The following DNAH11 variants were observed in gnomAD, a reference collection of about 807,000 sequenced individuals.
DNAH11 encodes axonemal beta dynein heavy chain 11.
DNAH11 carries 442 observed loss-of-function variants against 526.0 expected under a neutral mutation model. That is an observed-to-expected ratio of 0.84 (90% CI 0.78 to 0.91). The LOEUF (loss-of-function observed/expected upper bound fraction) is 0.91. Among genes scored for constraint, DNAH11 ranks in the 40% least tolerant of loss-of-function variants. The pLI, the probability that DNAH11 is intolerant of heterozygous loss-of-function variation, is 0.00. For missense variants in DNAH11, 6,989 were observed against 5,448.7 expected, an observed-to-expected ratio of 1.28 and a Z score of -8.90; for synonymous variants, 2,461 against 1,935.9, an observed-to-expected ratio of 1.27 and a Z score of -7.12.
Position 21,765,610 on chromosome 7 carries a change from TCACACA to T in DNAH11, c.9102+65_9102+70del, listed in dbSNP as rs3219983. 9.0e-3 allele frequency: 8,540 copies of T among 954,160 alleles called. 107 individuals are homozygous for T. Among genetic ancestry groups the T allele is most frequent in the South Asian group, 0.024 (1,232 of 52,390 alleles). The allele number at this position is 954,160 out of a possible 1,614,324, so 59.1% of individuals were successfully genotyped here. A position where few individuals can be genotyped will look rare whatever the true frequency, so the allele number is the denominator to read the frequency against. The stretch of plus-strand genomic sequence containing the variant: ...TTGAGGTATGCCGTGTCAGCCTGCG[TCACACA>T]CACACACACACACACACACACACAC... On this transcript the variant is annotated intron_variant, in intron 55 of 81. Coordinates refer to ENST00000409508, the MANE Select transcript of DNAH11 (RefSeq NM_001277115.2).
chr7:21,611,785 C>T (rs1405275878), intron 20 of DNAH11, among the ~76,000 whole-genome samples: 1 of 152,188 alleles, frequency 6.6e-6, no homozygotes, highest in African/African-American at 2.4e-5. Context: ...GAAAAATTCT[C>T]TCTCAATAAT....
At chr7:21,659,115 A>G in intron 30 of DNAH11, 84 bp downstream of exon 30, 1 of 1,165,392 alleles carries the variant, frequency 8.6e-7, no homozygotes, top group Non-Finnish European at 1.2e-6. Flanking sequence ...TCATTCATTT[A>G]CCGAGTGTCA....
At chr7:21,741,859 A>T in intron 48 of DNAH11, 68 bp from the exon 49 acceptor site, 1 of 1,557,518 alleles carries the variant, frequency 6.4e-7, no homozygotes, top group Non-Finnish European at 8.7e-7. Flanking sequence ...AGTGAAAAAA[A>T]ATCAGGTCTT....
intron 8 of DNAH11, among the ~76,000 whole-genome samples, chr7:21,576,540 T>A (rs1194279686): frequency 6.6e-6 from 1 of 152,234 alleles, no homozygotes; most frequent in Non-Finnish European, 1.5e-5. Context: ...CAAGACCCTA[T>A]CAAGCAAGTA....
intron 60 of DNAH11, among the ~76,000 whole-genome samples, chr7:21,788,334 C>G (rs1354359127): frequency 6.6e-6 from 1 of 152,140 alleles, no homozygotes; most frequent in Non-Finnish European, 1.5e-5. Flanking sequence ...TTCCTTTATA[C>G]TGTGGGGCCC....
At chr7:21,629,615 T>C (rs1786507357) in intron 25 of DNAH11, among the ~76,000 whole-genome samples, 2 of 152,148 alleles carry the variant, frequency 1.3e-5, no homozygotes, top group African/African-American at 4.8e-5. Flanking sequence ...TGCACAGATA[T>C]TTAATACTTA....
chr7:21,584,807 G>C (rs1784429353), intron 9 of DNAH11, among the ~76,000 whole-genome samples: 1 of 151,906 alleles, frequency 6.6e-6, no homozygotes, highest in Non-Finnish European at 1.5e-5. Flanking sequence ...ATCCTCTACT[G>C]TAATCTTCTT....
In DNAH11 at chr7:21,847,408, A is replaced by G. The variant is rs530354008; in HGVS notation, c.10896+4660A>G. Reference sequence around the variant, plus strand: ...TTTTTGTTTGCATTTATGTCAAAATATTTTTAAGTTTTTCTTGAGACTTCT... The same window carrying G: ...TTTTTGTTTGCATTTATGTCAAAATGTTTTTAAGTTTTTCTTGAGACTTCT... On this transcript the variant is annotated intron_variant, in intron 66 of 81. Transcript: ENST00000409508. 1.7e-4 allele frequency among the ~76,000 whole-genome samples: 26 copies of G among 152,300 alleles called. 2 individuals carry two copies. The highest frequency in any genetic ancestry group is 1.7e-3 in the South Asian group (8 of 4,826).
At chr7:21,710,999 T>A (rs1324855446) in intron 41 of DNAH11, among the ~76,000 whole-genome samples, 1 of 152,234 alleles carries the variant, frequency 6.6e-6, no homozygotes, top group Non-Finnish European at 1.5e-5. Context: ...CGTAAATTAT[T>A]GTATCTTGTC....
At chr7:21,775,778 TC>T (rs1363257261) in intron 56 of DNAH11, among the ~76,000 whole-genome samples, 1 of 152,060 alleles carries the variant, frequency 6.6e-6, no homozygotes, top group African/African-American at 2.4e-5. Flanking sequence ...TTCCCTGGAG[TC>T]CTGTTGGGCT....
In DNAH11 at chr7:21,901,001, C is replaced by T. The variant is rs745795906; in HGVS notation, c.13304-6C>T. ...CACAATTGCAACCGCTGTGTTTTTGCCATAGGCGCCCGCTGGGACACCCAA... is the reference window on the plus strand; with the variant it reads ...CACAATTGCAACCGCTGTGTTTTTGTCATAGGCGCCCGCTGGGACACCCAA... On this transcript the variant is annotated splice_polypyrimidine_tract_variant and splice_region_variant and intron_variant, in intron 81 of 81. Coordinates refer to ENST00000409508, the MANE Select transcript of DNAH11 (RefSeq NM_001277115.2). 6.3e-7 allele frequency: 1 copy of T among 1,577,968 alleles called. No individual in the cohort carries two copies. The highest frequency in any genetic ancestry group is 1.9e-5 in the Admixed American group (1 of 53,728).
At position 21,787,561 on chromosome 7, in the gene DNAH11, T is replaced by C. The variant is rs1788245455; in HGVS notation, c.9902T>C (p.Ile3301Thr). The C allele has an allele frequency of 6.2e-7, 1 of 1,611,460 alleles. No homozygotes were observed. Among genetic ancestry groups the C allele is most frequent in the Non-Finnish European group, 8.5e-7 (1 of 1,178,914 alleles). Residue 3301 changes from isoleucine to threonine, a missense_variant, in exon 60 of 82, where the codon ATC becomes ACC. By Grantham distance (89) the Ile-to-Thr change is moderately conservative (BLOSUM62 -1). Coordinates refer to ENST00000409508, the MANE Select transcript of DNAH11 (RefSeq NM_001277115.2). ...GCAGCTGGCCTGTGTGCCTGGGTCATCAACATCATTAAATTCTATGAGGTA... is the reference window on the plus strand; with the variant it reads ...GCAGCTGGCCTGTGTGCCTGGGTCACCAACATCATTAAATTCTATGAGGTA... ...FAAAGLCAWV[I>T]NIIKFYEVYC...
intron 9 of DNAH11, among the ~76,000 whole-genome samples, chr7:21,584,804 A>G (rs996920330): frequency 6.6e-6 from 1 of 152,104 alleles, no homozygotes; most frequent in East Asian, 1.9e-4. Flanking sequence ...TTAATCCTCT[A>G]CTGTAATCTT....
chr7:21,585,779 G>A (rs962273380), intron 9 of DNAH11, among the ~76,000 whole-genome samples: 6 of 152,168 alleles, frequency 3.9e-5, no homozygotes, highest in African/African-American at 2.4e-5. Flanking sequence ...GTACTACACC[G>A]AACAATGGCA....
chr7:21,574,867 CTTTTTTTTTTTTTTTTT>C (rs869117425), intron 8 of DNAH11, among the ~76,000 whole-genome samples: 1 of 42,860 alleles, frequency 2.3e-5, no homozygotes, highest in East Asian at 1.5e-3. Flanking sequence ...CTGCACTGGG[CTTTTTTTTTTTTTTTTT>C]TTTTTTTTTT....
chr7:21,717,981 G>C, intron 43 of DNAH11, 56 bp downstream of exon 43: 3 of 1,545,020 alleles, frequency 1.9e-6, no homozygotes, highest in South Asian at 1.3e-5. Flanking sequence ...AGTGTTTGTT[G>C]ATCAAGACAA....
intron 64 of DNAH11, among the ~76,000 whole-genome samples, chr7:21,817,400 G>T (rs1194925689): frequency 6.6e-6 from 1 of 151,698 alleles, no homozygotes; most frequent in Non-Finnish European, 1.5e-5. Context: ...TAGTTCTTAG[G>T]CCAGGTACAG....
chr7:21,543,422 G>T lies in DNAH11; in HGVS notation c.177G>T (p.Val59=), dbSNP rs751721373. 10 of 1,555,576 alleles carry T rather than the reference G, an allele frequency of 6.4e-6. No homozygotes were observed. In the East Asian group the frequency reaches 2.2e-4, roughly 34 times the overall value. ...GGAGTTTCGCCCAAGACGCGCGGGT[G>T]CGCTTCCTCGGCGGCCGCCTGGCGA... The part of the protein sequence containing the change: ...RARSFAQDAR[V]RFLGGRLAMM... Residue 59 remains valine (V), a synonymous_variant, in exon 1 of 82, where the codon GTG becomes GTT. Transcript: ENST00000409508.
At chr7:21,727,341 G>A (rs538864186) in intron 45 of DNAH11, among the ~76,000 whole-genome samples, 6 of 152,250 alleles carry the variant, frequency 3.9e-5, no homozygotes, top group Admixed American at 6.5e-5. Context: ...AAAATTGAAG[G>A]CATATTTCTG....
Sources: allele counts gnomAD v4.1 joint callset (sites outside exome capture counted in the v4.1 genomes callset), GRCh38; gene constraint gnomAD v4.1.1; transcripts MANE v1.5; gene names NCBI Gene and HGNC (gene_info 2026-07-23, HGNC 2026-07-21).